Variants in ARHGEF7 observed in about 807,000 individuals in gnomAD.
ARHGEF7 encodes the protein PAK-interacting exchange factor beta.
ARHGEF7 carries 33 observed loss-of-function variants against 109.8 expected under a neutral mutation model. The observed-to-expected ratio is 0.30, with a 90% CI of 0.23 to 0.40. The LOEUF (loss-of-function observed/expected upper bound fraction) is 0.40, where lower values mean the gene tolerates loss of function less well. Among genes scored for constraint, ARHGEF7 ranks in the 10% least tolerant of loss-of-function variants. The probability of loss-of-function intolerance (pLI) is 1.00; values close to 1 mark genes in which losing one functional copy is unlikely to be tolerated. For missense variants in ARHGEF7, 938 were observed against 1,098.5 expected, an observed-to-expected ratio of 0.85 and a Z score of 2.07; for synonymous variants, 458 against 424.6, an observed-to-expected ratio of 1.08 and a Z score of -0.97.
intron 2 of ARHGEF7, among the ~76,000 whole-genome samples, chr13:111,157,621 G>A (rs924765121): frequency 2.0e-5 from 3 of 152,076 alleles, no homozygotes; most frequent in Admixed American, 2.0e-4. Context: ...TTTCACTTGA[G>A]GATAAGTAAC....
chr13:111,216,405 C>T (rs997391451), intron 4 of ARHGEF7, among the ~76,000 whole-genome samples: 1 of 152,078 alleles, frequency 6.6e-6, no homozygotes, highest in Non-Finnish European at 1.5e-5. Flanking sequence ...ATGGAATCAC[C>T]TGCTGCCACC....
Position 111,258,058 on chromosome 13 carries a change from G to C in ARHGEF7, c.951-9490G>C, listed in dbSNP as rs1031883200. Among the ~76,000 whole-genome samples the C allele has an allele frequency of 3.3e-5, 5 of 152,254 alleles. No individual in the cohort carries two copies. Among genetic ancestry groups the C allele is most frequent in the Admixed American group, 3.3e-4 (5 of 15,290 alleles). ...CTGGGGCTCTGAGCCAGTGGCCTTG[G>C]GGGGCCTGCAACCTAGTGAGACCTC... On this transcript the variant is annotated intron_variant, in intron 8 of 21. Transcript: ENST00000646102. This position sits in a 1 kb window ranked among gnomAD's most constrained non-coding sequence, Gnocchi z 4.4.
At chr13:111,223,901 G>T (rs1299808932) in intron 5 of ARHGEF7, among the ~76,000 whole-genome samples, 2 of 148,590 alleles carry the variant, frequency 1.3e-5, no homozygotes, top group African/African-American at 2.5e-5. Flanking sequence ...CTGTTGCCCA[G>T]GCTGGAGTGC....
chr13:111,302,207 G>C (rs2093584395), intron 21 of ARHGEF7, among the ~76,000 whole-genome samples: 1 of 152,202 alleles, frequency 6.6e-6, no homozygotes. Context: ...GGGTGTTCTG[G>C]GTATTGCACG....
chr13:111,192,978 C>T (rs1267529062), intron 2 of ARHGEF7, among the ~76,000 whole-genome samples: 3 of 152,260 alleles, frequency 2.0e-5, no homozygotes, highest in African/African-American at 7.2e-5. Flanking sequence ...TCTTTGTTCC[C>T]TTAGAGGGGA....
At chr13:111,205,225 C>T in intron 2 of ARHGEF7, 64 bp from the exon 3 acceptor site, 1 of 1,326,446 alleles carries the variant, frequency 7.5e-7, no homozygotes, top group Non-Finnish European at 1.1e-6. Context: ...GCTGGGAGAA[C>T]TTAGTTCATC....
chr13:111,292,567 T>A, intron 19 of ARHGEF7: 1 of 1,347,862 alleles, frequency 7.4e-7, no homozygotes, highest in South Asian at 1.9e-5. Context: ...GAGGGTGCTC[T>A]TCGTAAGGGG....
At chr13:111,175,093 T>A (rs939649963) in intron 2 of ARHGEF7, among the ~76,000 whole-genome samples, 7 of 152,054 alleles carry the variant, frequency 4.6e-5, no homozygotes, top group African/African-American at 1.5e-4. Context: ...CTTCTGGGAG[T>A]GGGACGAGCT....
In ARHGEF7 at chr13:111,294,154, T is replaced by C. The variant is rs890150949; in HGVS notation, c.2311+1860T>C. The C allele has an allele frequency of 1.5e-5, 15 of 985,282 alleles. No individual in the cohort carries two copies. In the African/African-American group the frequency reaches 2.4e-4, roughly 16 times the overall value. 61.0% of individuals were successfully genotyped at this position (985,282 alleles called of 1,614,324 possible). On this transcript the variant is annotated intron_variant, in intron 19 of 21. Coordinates refer to ENST00000646102, the MANE Select transcript of ARHGEF7 (RefSeq NM_001354046.2). ...TGGGGTTTATGTATGTTCAGCCAGATAGTAAATGGGATTTTTGGAGAAATA... is the reference window on the plus strand; with the variant it reads ...TGGGGTTTATGTATGTTCAGCCAGACAGTAAATGGGATTTTTGGAGAAATA...
At chr13:111,236,535 G>A (rs1247034806) in intron 6 of ARHGEF7, among the ~76,000 whole-genome samples, 1 of 152,158 alleles carries the variant, frequency 6.6e-6, no homozygotes, top group Non-Finnish European at 1.5e-5. Context: ...CACTTCTGTA[G>A]TTTATCTTCC....
At chr13:111,130,781 C>T (rs1023735339) in intron 1 of ARHGEF7, among the ~76,000 whole-genome samples, 1 of 152,186 alleles carries the variant, frequency 6.6e-6, no homozygotes, top group African/African-American at 2.4e-5. Context: ...AGATGGGGCC[C>T]CAGTGGCGGT....
rs557162088 is a variant in ARHGEF7 at position 111,166,801 on chromosome 13, C to T, written c.252+12810C>T. Among the ~76,000 whole-genome samples, 10 of 152,290 alleles carry T rather than the reference C, an allele frequency of 6.6e-5. No homozygotes were observed. In the South Asian group the frequency reaches 8.3e-4, roughly 13 times the overall value. On this transcript the variant is annotated intron_variant, in intron 2 of 21. Coordinates refer to ENST00000646102, the MANE Select transcript of ARHGEF7 (RefSeq NM_001354046.2). ...AGATCAGGTCTGGACTTCAGGGATG[C>T]GGCCTGGGCTGGGATATCAGCTTCA...
intron 6 of ARHGEF7, among the ~76,000 whole-genome samples, chr13:111,243,461 T>C (rs2088193771): frequency 6.6e-6 from 1 of 152,238 alleles, no homozygotes; most frequent in South Asian, 2.1e-4. Context: ...TTTTGTCATC[T>C]CTTAGACTTA....
chr13:111,194,436 A>G (rs1218965902), intron 2 of ARHGEF7, among the ~76,000 whole-genome samples: 4 of 152,152 alleles, frequency 2.6e-5, no homozygotes, highest in African/African-American at 9.7e-5. Flanking sequence ...AGTGATTCCA[A>G]GGAACCCCTG....
chr13:111,154,050 G>A (rs2076093407), intron 2 of ARHGEF7, 59 bp downstream of exon 2: 1 of 1,501,978 alleles, frequency 6.7e-7, no homozygotes, highest in Non-Finnish European at 8.9e-7. Context: ...TGGGCCCGGG[G>A]TGGGTGCTTC....
chr13:111,275,924 G>T, intron 12 of ARHGEF7: 1 of 477,510 alleles, frequency 2.1e-6, no homozygotes, highest in Non-Finnish European at 3.8e-6. Context: ...AAGCCCACGT[G>T]AACTGAAGGA....
intron 2 of ARHGEF7, among the ~76,000 whole-genome samples, chr13:111,182,889 C>T (rs886757600): frequency 1.3e-5 from 2 of 152,122 alleles, no homozygotes; most frequent in African/African-American, 2.4e-5. Flanking sequence ...GTATTCAGTA[C>T]GTCACATGAG....
In ARHGEF7 at chr13:111,153,826, G is replaced by A. The variant is rs528143205; in HGVS notation, c.166-79G>A. On this transcript the variant is annotated intron_variant, in intron 1 of 21. Coordinates refer to ENST00000646102, the MANE Select transcript of ARHGEF7 (RefSeq NM_001354046.2). The stretch of plus-strand genomic sequence containing the variant: ...GTCGCCCGCTGTGTTGGGAGCGCGG[G>A]CCGTGGGCGTCGCTCGGCCTTGTCC... The A allele has an allele frequency of 3.8e-5, 58 of 1,529,908 alleles. No individual in the cohort carries two copies. The East Asian group carries it at 1.5e-3, about 38-fold the overall frequency. 94.8% of individuals were successfully genotyped at this position (1,529,908 alleles called of 1,614,324 possible).
chr13:111,172,121 T>C (rs370125002), intron 2 of ARHGEF7, among the ~76,000 whole-genome samples: 15 of 152,174 alleles, frequency 9.9e-5, no homozygotes, highest in African/African-American at 2.7e-4. Context: ...TTCGTAATCT[T>C]GACGAGGGGC....
Sources: gnomAD v4.1 joint callset for allele counts (sites outside exome capture counted in the v4.1 genomes callset) on GRCh38, gnomAD v4.1.1 for gene constraint, Gnocchi (gnomAD v3.1) non-coding constraint, MANE v1.5 for transcripts, NCBI Gene and HGNC (gene_info 2026-07-23, HGNC 2026-07-21) for gene names.